The following PDE4DIP variants were observed in gnomAD, a reference collection of about 807,000 sequenced individuals.
PDE4DIP encodes myomegalin.
Under a neutral mutation model 221.4 loss-of-function variants are expected in PDE4DIP, and 59 were observed. That is an observed-to-expected ratio of 0.27 (90% CI 0.22 to 0.33). The LOEUF is 0.33. Ranked by LOEUF, PDE4DIP falls within the 10% of genes least tolerant of loss-of-function variation. PDE4DIP has a pLI of 1.00. For missense variants in PDE4DIP, 1,036 were observed against 2,154.2 expected (o/e 0.48, Z 10.28); for synonymous variants, 404 against 815.9 (o/e 0.50, Z 8.60).
At chr1:148,960,181 C>T (rs2056557413) in intron 5 of PDE4DIP, among the ~76,000 whole-genome samples, 1 of 152,288 alleles carries the variant, frequency 6.6e-6, no homozygotes, top group African/African-American at 2.4e-5. Flanking sequence ...ATATATAGTC[C>T]ATATCAAAAT....
At chr1:148,972,480 C>T (rs782300226) in intron 15 of PDE4DIP, 31 bp from the exon 19 acceptor site, 4 of 556,934 alleles carry the variant, frequency 7.2e-6, no homozygotes, top group South Asian at 6.6e-5. Flanking sequence ...CCTGCATCTT[C>T]CTAAGTCCCC....
intron 23 of PDE4DIP, chr1:148,999,232 C>A (rs2065049686): frequency 6.7e-6 from 1 of 149,962 alleles, no homozygotes; most frequent in Non-Finnish European, 1.5e-5. Context: ...CCTTGGAGAA[C>A]ATGCTGATAC....
intron 37 of PDE4DIP, among the ~76,000 whole-genome samples, chr1:149,023,143 A>G (rs2073657514): frequency 6.6e-6 from 1 of 152,122 alleles, no homozygotes; most frequent in African/African-American, 2.4e-5. Context: ...AGCTACAACC[A>G]CTAAAGCTCC....
At chr1:148,996,971 G>T (rs1316063799) in intron 22 of PDE4DIP, among the ~76,000 whole-genome samples, 3 of 152,386 alleles carry the variant, frequency 2.0e-5, no homozygotes, top group African/African-American at 7.2e-5. Context: ...ACAATTACAA[G>T]TCACAATATT....
chr1:148,990,182 A>T, intron 21 of PDE4DIP: 1 of 983,272 alleles, frequency 1.0e-6, no homozygotes, highest in East Asian at 1.1e-4. Context: ...ATAGATGTGA[A>T]CTGCCCCCTC....
chr1:148,955,748 A>G, intron 5 of PDE4DIP, among the ~76,000 whole-genome samples: 1 of 152,180 alleles, frequency 6.6e-6, no homozygotes, highest in East Asian at 1.9e-4. Context: ...AACTATGGTA[A>G]CTGTATCTTC....
At chr1:149,023,222 G>T (rs1575554667) in intron 37 of PDE4DIP, among the ~76,000 whole-genome samples, 1 of 152,042 alleles carries the variant, frequency 6.6e-6, no homozygotes, top group East Asian at 1.9e-4. Context: ...TACTCATTTA[G>T]TGACAAAATC....
intron 4 of PDE4DIP, among the ~76,000 whole-genome samples, chr1:148,934,691 C>A (rs1553473651): frequency 6.6e-6 from 1 of 152,060 alleles, no homozygotes; most frequent in African/African-American, 2.4e-5. Flanking sequence ...GCAACCTCTG[C>A]CTCCCAGGTT....
chr1:149,010,557 C>G (rs782179870), exon 31 of PDE4DIP: 9 of 1,614,004 alleles, frequency 5.6e-6, no homozygotes, highest in Non-Finnish European at 7.6e-6. Flanking sequence ...TTGCCAACTC[C>G]CCAGAATACC....
chr1:148,942,953 TTAAG>T (rs2050856139), intron 5 of PDE4DIP, among the ~76,000 whole-genome samples: 1 of 151,866 alleles, frequency 6.6e-6, no homozygotes. Context: ...GAGGCCCACA[TTAAG>T]TAAGTGAGAC....
chr1:149,023,238 G>A (rs2073690805), intron 37 of PDE4DIP, among the ~76,000 whole-genome samples: 1 of 152,092 alleles, frequency 6.6e-6, no homozygotes, highest in Non-Finnish European at 1.5e-5. Flanking sequence ...AAATCTAGAT[G>A]ATCTGACATG....
chr1:149,023,603 TATGTG>T (rs1327873268), intron 37 of PDE4DIP, among the ~76,000 whole-genome samples: 2 of 145,688 alleles, frequency 1.4e-5, no homozygotes, highest in Non-Finnish European at 3.0e-5. Context: ...TGTACATGTA[TATGTG>T]TGCACATATA....
chr1:149,009,978 C>T (rs1182722979), intron 30 of PDE4DIP, among the ~76,000 whole-genome samples, 187 bp downstream of exon 33: 18 of 152,288 alleles, frequency 1.2e-4, no homozygotes, highest in African/African-American at 4.3e-4. Flanking sequence ...CCTCTGTCAC[C>T]GTGGCCTCCA....
At position 149,009,654 on chromosome 1, in the gene PDE4DIP, G is replaced by A. The variant is rs781817507; in HGVS notation, c.4790G>A (p.Ser1597Asn). The stretch of plus-strand genomic sequence containing the variant: ...GCTCGGTCCCTCACACCCTCCAGCA[G>A]CCATGCCTTGTCTGACTCCCACCGC... The change falls in exon 30 of 44, where the codon AGC becomes AAC. Residue 1597 changes from serine to asparagine, a missense_variant. Transcript: ENST00000369354. 9.3e-6 allele frequency: 15 copies of A among 1,614,194 alleles called. No individual in the cohort carries two copies. The East Asian group carries it at 2.0e-4, about 22-fold the overall frequency.
chr1:149,009,842 A>G (rs587633321), intron 30 of PDE4DIP, 51 bp downstream of exon 33: 2 of 1,284,188 alleles, frequency 1.6e-6, no homozygotes, highest in Admixed American at 3.4e-5. Flanking sequence ...TGAGTGGAGA[A>G]CTCAGGAAAC....
At chr1:149,000,666 C>G (rs1553574351) in intron 23 of PDE4DIP, among the ~76,000 whole-genome samples, 1 of 151,950 alleles carries the variant, frequency 6.6e-6, no homozygotes. Context: ...TTATGGGATT[C>G]TGCTGTTGGT....
Position 148,994,523 on chromosome 1 carries a change from A to T in PDE4DIP, c.2904+2550A>T, listed in dbSNP as rs1553563009. 2.0e-5 allele frequency among the ~76,000 whole-genome samples: 3 copies of T among 151,034 alleles called. No individual in the cohort carries two copies. The East Asian group carries it at 5.9e-4, about 30-fold the overall frequency. ...TGATAAACTTGAAAAAAGCTATTTT[A>T]AAAAAATAGTTATTTTTGATTGACA... On this transcript the variant is annotated intron_variant, in intron 22 of 43. Transcript: ENST00000369354.
chr1:148,986,638 G>C (rs1481823213), intron 21 of PDE4DIP, among the ~76,000 whole-genome samples: 6 of 152,044 alleles, frequency 3.9e-5, no homozygotes, highest in Admixed American at 6.6e-5. Context: ...GAAGAAACTC[G>C]AATTTTTCTC....
chr1:148,940,767 T>A (rs1220666882), intron 5 of PDE4DIP, among the ~76,000 whole-genome samples: 12 of 148,458 alleles, frequency 8.1e-5, no homozygotes, highest in South Asian at 4.3e-4. Flanking sequence ...TTTCTCCCTT[T>A]GGGTCTACGT....
Sources: gnomAD v4.1 joint callset for allele counts (sites outside exome capture counted in the v4.1 genomes callset) on GRCh38, gnomAD v4.1.1 for gene constraint, MANE v1.5 for transcripts, NCBI Gene and HGNC (gene_info 2026-07-23, HGNC 2026-07-21) for gene names.